The following LINGO2 variants were observed in gnomAD, a reference collection of about 807,000 sequenced individuals.
LINGO2 encodes leucine rich repeat and Ig domain containing 2, also known as leucine-rich repeat and immunoglobulin-like domain-containing nogo receptor-interacting protein 2.
Under a neutral mutation model 30.6 loss-of-function variants are expected in LINGO2, and 14 were observed. That is an observed-to-expected ratio of 0.46 (90% confidence interval 0.30 to 0.72). The LOEUF is 0.72. Ranked by LOEUF, LINGO2 falls within the 30% of genes least tolerant of loss-of-function variation. The pLI is 0.07. For missense variants in LINGO2, 729 were observed against 751.7 expected, an observed-to-expected ratio of 0.97 and a Z score of 0.35; for synonymous variants, 317 against 288.5, an observed-to-expected ratio of 1.10 and a Z score of -1.00.
At position 28,104,569 on chromosome 9, in the gene LINGO2, T is replaced by G. The variant is rs531800575; in HGVS notation, c.-86-92164A>C. Among the ~76,000 whole-genome samples, 7 of 151,874 alleles carry G rather than the reference T, an allele frequency of 4.6e-5. 1 individual carries two copies. The East Asian group carries it at 9.7e-4, about 21-fold the overall frequency. ...CTCTAATGACCATTTTGTTTACATG[T>G]TTTTTTTCAATTACAATTCCATGAT... On this transcript the variant is annotated intron_variant, in intron 4 of 5. Transcript: ENST00000379992.
At chr9:29,200,988 A>G in the LINGO2 span, among the ~76,000 whole-genome samples, 1 of 152,050 alleles carries the variant, frequency 6.6e-6, no homozygotes, top group African/African-American at 2.4e-5. Flanking sequence ...CATTCTCACT[A>G]TATCAAGGGT....
the LINGO2 span, among the ~76,000 whole-genome samples, chr9:28,823,876 G>T: frequency 6.6e-6 from 1 of 152,164 alleles, no homozygotes; most frequent in Middle Eastern, 3.4e-3. Flanking sequence ...ACTGACTTAG[G>T]CTGAAATGTC....
intron 5 of LINGO2, among the ~76,000 whole-genome samples, chr9:28,000,344 C>A (rs1821885305): frequency 6.6e-6 from 1 of 151,840 alleles, no homozygotes; most frequent in Admixed American, 6.6e-5. Flanking sequence ...CATCACAGAG[C>A]CACAGAGTGG....
chr9:28,273,578 G>C (rs1480371604), intron 4 of LINGO2, among the ~76,000 whole-genome samples: 1 of 152,160 alleles, frequency 6.6e-6, no homozygotes, highest in Non-Finnish European at 1.5e-5. Context: ...CCAGGGGAAG[G>C]AGAACCCTAG....
At chr9:28,891,004 A>G in the LINGO2 span, among the ~76,000 whole-genome samples, 51 of 152,216 alleles carry the variant, frequency 3.4e-4, no homozygotes, top group African/African-American at 1.2e-3. Context: ...AATGTGATAC[A>G]ATCATTTCCT....
At chr9:29,061,630 C>T in the LINGO2 span, among the ~76,000 whole-genome samples, 10 of 151,968 alleles carry the variant, frequency 6.6e-5, no homozygotes, top group Middle Eastern at 3.4e-3. Flanking sequence ...GTTATCCACA[C>T]GCAAAAGAAT....
intron 4 of LINGO2, among the ~76,000 whole-genome samples, chr9:28,231,396 G>A (rs1223219706): frequency 6.6e-6 from 1 of 151,700 alleles, no homozygotes; most frequent in Non-Finnish European, 1.5e-5. Context: ...GAGCAGTGTG[G>A]GAAAATTGGT....
At chr9:28,494,662 G>A (rs983489978) in intron 1 of LINGO2, among the ~76,000 whole-genome samples, 1 of 152,270 alleles carries the variant, frequency 6.6e-6, no homozygotes, top group African/African-American at 2.4e-5. Flanking sequence ...ATTGTGAATA[G>A]TGCCGCAATA....
At chr9:29,008,643 A>T in the LINGO2 span, among the ~76,000 whole-genome samples, 1 of 152,210 alleles carries the variant, frequency 6.6e-6, no homozygotes, top group East Asian at 1.9e-4. Context: ...ATGGCATCTC[A>T]TTGTGGTTTT....
At chr9:28,859,924 C>T in the LINGO2 span, among the ~76,000 whole-genome samples, 1 of 151,806 alleles carries the variant, frequency 6.6e-6, no homozygotes, top group Non-Finnish European at 1.5e-5. Flanking sequence ...AATATTTAAA[C>T]TCCACAAAAA....
At chr9:28,641,494 C>T (rs1181133927) in intron 1 of LINGO2, among the ~76,000 whole-genome samples, 1 of 152,046 alleles carries the variant, frequency 6.6e-6, no homozygotes, top group African/African-American at 2.4e-5. Flanking sequence ...CCCAATATAC[C>T]ATTGCTGTAG....
At chr9:29,152,797 G>C in the LINGO2 span, among the ~76,000 whole-genome samples, 882 of 152,124 alleles carry the variant, frequency 5.8e-3, 4 homozygotes, top group Non-Finnish European at 0.01. Flanking sequence ...AAAATTAAAA[G>C]TTGAACATAT....
the LINGO2 span, among the ~76,000 whole-genome samples, chr9:29,015,977 C>A: frequency 6.6e-6 from 1 of 152,124 alleles, no homozygotes; most frequent in East Asian, 1.9e-4. Flanking sequence ...GTCAATTCTA[C>A]TTTTCTAACT....
intron 1 of LINGO2, among the ~76,000 whole-genome samples, chr9:28,649,722 C>G (rs1346195372): frequency 1.3e-5 from 2 of 151,884 alleles, no homozygotes; most frequent in South Asian, 2.1e-4. Context: ...AAGCTGTAAA[C>G]TAATCACTGG....
the LINGO2 span, among the ~76,000 whole-genome samples, chr9:28,966,198 G>T: frequency 1.3e-5 from 2 of 152,074 alleles, no homozygotes; most frequent in Non-Finnish European, 2.9e-5. Flanking sequence ...TTAAGAGGCT[G>T]AAAAAACTGG....
At chr9:28,108,831 G>C (rs970567292) in intron 4 of LINGO2, among the ~76,000 whole-genome samples, 1 of 152,000 alleles carries the variant, frequency 6.6e-6, no homozygotes, top group Non-Finnish European at 1.5e-5. Flanking sequence ...TTGTAGATGA[G>C]GAAACTCAGT....
intron 4 of LINGO2, among the ~76,000 whole-genome samples, chr9:28,055,524 T>C (rs1485967216): frequency 6.6e-6 from 1 of 152,184 alleles, no homozygotes; most frequent in African/African-American, 2.4e-5. Flanking sequence ...GGTACTTCTG[T>C]GGATTGGCTG....
chr9:28,525,719 A>G (rs1388974285), intron 1 of LINGO2, among the ~76,000 whole-genome samples: 1 of 152,166 alleles, frequency 6.6e-6, no homozygotes, highest in Non-Finnish European at 1.5e-5. Flanking sequence ...CTAAAACCAG[A>G]TCTTCATAAC....
the LINGO2 span, among the ~76,000 whole-genome samples, chr9:28,910,164 T>C: frequency 1.3e-5 from 2 of 152,082 alleles, no homozygotes; most frequent in African/African-American, 2.4e-5. Context: ...CAATGTTATA[T>C]AGTACTCTGA....
Sources: allele counts gnomAD v4.1 joint callset (sites outside exome capture counted in the v4.1 genomes callset), GRCh38; gene constraint gnomAD v4.1.1; transcripts MANE v1.5; gene names NCBI Gene and HGNC (gene_info 2026-07-23, HGNC 2026-07-21).